Variants in SPIDR observed in about 807,000 individuals in gnomAD.
SPIDR encodes scaffold protein involved in DNA repair.
In SPIDR, 93 loss-of-function variants were observed where a neutral mutation model predicts 104.6. That is an observed-to-expected ratio of 0.89 (90% confidence interval 0.75 to 1.06). SPIDR has a LOEUF of 1.06. Among genes scored for constraint, SPIDR ranks in the 50% least tolerant of loss-of-function variants. SPIDR has a pLI of 0.00. For missense variants in SPIDR, 1,154 were observed against 1,111.2 expected (o/e 1.04, Z -0.55); for synonymous variants, 431 against 416.9 (o/e 1.03, Z -0.41).
chr8:47,440,575 A>G, intron 8 of SPIDR, 33 bp downstream of exon 8: 1 of 1,576,806 alleles, frequency 6.3e-7, no homozygotes, highest in Non-Finnish European at 8.6e-7. Flanking sequence ...AGCAGTCACC[A>G]ACTGTGAGTC....
chr8:47,443,464 G>A (rs999890598), intron 8 of SPIDR, among the ~76,000 whole-genome samples: 1 of 151,210 alleles, frequency 6.6e-6, no homozygotes, highest in African/African-American at 2.4e-5. Flanking sequence ...CCAGCTACTC[G>A]GGAGGCAAAG....
chr8:47,417,457 C>T (rs2064559704), intron 7 of SPIDR, among the ~76,000 whole-genome samples: 1 of 152,110 alleles, frequency 6.6e-6, no homozygotes, highest in East Asian at 1.9e-4. Flanking sequence ...ATCCTTTGCC[C>T]ACTTGTTGAT....
intron 10 of SPIDR, among the ~76,000 whole-genome samples, chr8:47,647,990 C>T (rs555075961): frequency 1.3e-5 from 2 of 152,062 alleles, no homozygotes; most frequent in Non-Finnish European, 2.9e-5. Context: ...GGACTCTGAT[C>T]GTGAGGAGGT....
intron 7 of SPIDR, among the ~76,000 whole-genome samples, chr8:47,417,698 C>T (rs2064611782): frequency 6.6e-6 from 1 of 152,198 alleles, no homozygotes; most frequent in South Asian, 2.1e-4. Flanking sequence ...AGTCCTTGCC[C>T]ATACCTATGT....
chr8:47,308,774 G>A (rs1436754034), intron 5 of SPIDR, among the ~76,000 whole-genome samples: 1 of 152,202 alleles, frequency 6.6e-6, no homozygotes, highest in Non-Finnish European at 1.5e-5. Flanking sequence ...ATATTTGGAA[G>A]AGAGGGTCCT....
At chr8:47,519,533 T>C (rs1206762348) in intron 8 of SPIDR, among the ~76,000 whole-genome samples, 5 of 152,192 alleles carry the variant, frequency 3.3e-5, no homozygotes, top group Admixed American at 1.3e-4. Flanking sequence ...TCCGAACACT[T>C]TTGGGAATCC....
intron 8 of SPIDR, among the ~76,000 whole-genome samples, chr8:47,548,178 T>C (rs1229105188): frequency 6.6e-6 from 1 of 152,242 alleles, no homozygotes; most frequent in Non-Finnish European, 1.5e-5. Context: ...TAAGAAAAAG[T>C]AGCTTTTGCC....
At chr8:47,370,367 C>G (rs1007551512) in intron 5 of SPIDR, among the ~76,000 whole-genome samples, 2 of 148,506 alleles carry the variant, frequency 1.3e-5, no homozygotes, top group Admixed American at 1.4e-4. Context: ...ATATCACACA[C>G]AAAAATATTT....
intron 19 of SPIDR, 24 bp from the exon 20 acceptor site, chr8:47,735,283 C>T: frequency 6.2e-7 from 1 of 1,611,604 alleles, no homozygotes; most frequent in Non-Finnish European, 8.5e-7. Context: ...TTTGCTTTAA[C>T]CAGCGTGCCT....
intron 8 of SPIDR, among the ~76,000 whole-genome samples, chr8:47,516,795 T>A (rs979989799): frequency 3.3e-5 from 5 of 152,158 alleles, no homozygotes; most frequent in African/African-American, 1.2e-4. Context: ...CGGCTATAGA[T>A]CTAGGAGTGG....
rs971702102 is a variant in SPIDR at position 47,719,010 on chromosome 8, G to A, written c.2341+5369G>A. 2.0e-5 allele frequency among the ~76,000 whole-genome samples: 3 copies of A among 152,168 alleles called. No homozygotes were observed. In the East Asian group the frequency reaches 5.8e-4, roughly 29 times the overall value. ...TGAGAGAGCTGTGGGTGAATACTGAGGTGAGGTGGTGAGCAGGAAGGGAGT... is the reference window on the plus strand; with the variant it reads ...TGAGAGAGCTGTGGGTGAATACTGAAGTGAGGTGGTGAGCAGGAAGGGAGT... On this transcript the variant is annotated intron_variant, in intron 16 of 19. Coordinates refer to ENST00000297423, the MANE Select transcript of SPIDR (RefSeq NM_001080394.4).
At position 47,290,933 on chromosome 8, in the gene SPIDR, G is replaced by A. The variant is rs1277165927; in HGVS notation, c.257-100G>A. 6.6e-6 allele frequency: 5 copies of A among 755,014 alleles called. 1 individual carries two copies. The highest frequency in any genetic ancestry group is 4.7e-5 in the South Asian group (2 of 42,492). The allele number at this position is 755,014 out of a possible 1,614,324, so 46.8% of individuals were successfully genotyped here. A position where few individuals can be genotyped will look rare whatever the true frequency, so the allele number is the denominator to read the frequency against. On this transcript the variant is annotated intron_variant, in intron 3 of 19. Coordinates refer to ENST00000297423, the MANE Select transcript of SPIDR (RefSeq NM_001080394.4). ...ATTGCTTTTCCTATCACAGAGTTTT[G>A]TGTATTTGTGACTTTGGCAAAATTA...
At chr8:47,637,461 T>G (rs2068118503) in intron 10 of SPIDR, among the ~76,000 whole-genome samples, 1 of 152,018 alleles carries the variant, frequency 6.6e-6, no homozygotes, top group African/African-American at 2.4e-5. Context: ...TCCCAGCTAC[T>G]CGGGAGGCTG....
At chr8:47,662,800 G>A (rs141401582) in intron 10 of SPIDR, among the ~76,000 whole-genome samples, 7 of 152,282 alleles carry the variant, frequency 4.6e-5, no homozygotes, top group African/African-American at 1.7e-4. Context: ...AGGGGGTGGG[G>A]CCTTTGGGAT....
intron 8 of SPIDR, among the ~76,000 whole-genome samples, chr8:47,592,956 G>A (rs1162938951): frequency 6.6e-6 from 1 of 151,938 alleles, no homozygotes; most frequent in Non-Finnish European, 1.5e-5. Flanking sequence ...GTGCGATCTT[G>A]GCTCACCACA....
chr8:47,286,588 C>A (rs1046555682), intron 3 of SPIDR, among the ~76,000 whole-genome samples: 2 of 151,874 alleles, frequency 1.3e-5, no homozygotes, highest in Non-Finnish European at 2.9e-5. Flanking sequence ...ACATCGCTTA[C>A]AAAAAATTAC....
rs2067128710 is a variant in SPIDR at position 47,631,913 on chromosome 8, TATA to T, written c.1544+32724_1544+32726del. 2.6e-5 allele frequency among the ~76,000 whole-genome samples: 4 copies of T among 152,318 alleles called. No homozygotes were observed. In the South Asian group the frequency reaches 8.3e-4, roughly 32 times the overall value. On this transcript the variant is annotated intron_variant, in intron 10 of 19. Coordinates refer to ENST00000297423, the MANE Select transcript of SPIDR (RefSeq NM_001080394.4). Reference sequence around the variant, plus strand: ...TTAGGTGATGATAACTATGAGCATTTATAATAATATTTTAAATTGGCCCTGAGA... The same window carrying T: ...TTAGGTGATGATAACTATGAGCATTTATAATATTTTAAATTGGCCCTGAGA...
intron 10 of SPIDR, among the ~76,000 whole-genome samples, chr8:47,666,266 C>A (rs958504693): frequency 6.6e-6 from 1 of 152,202 alleles, no homozygotes; most frequent in South Asian, 2.1e-4. Flanking sequence ...CCACATATGG[C>A]TAGTGGCTAC....
intron 8 of SPIDR, among the ~76,000 whole-genome samples, chr8:47,486,518 C>T (rs1210271915): frequency 4.6e-5 from 7 of 152,036 alleles, no homozygotes; most frequent in African/African-American, 1.7e-4. Flanking sequence ...AGATACTCCT[C>T]GAGAAGAGCA....
Sources: gnomAD v4.1 joint callset for allele counts (sites outside exome capture counted in the v4.1 genomes callset) on GRCh38, gnomAD v4.1.1 for gene constraint, MANE v1.5 for transcripts, NCBI Gene and HGNC (gene_info 2026-07-23, HGNC 2026-07-21) for gene names.